LDB1: variants seen among roughly 807,000 people sequenced by gnomAD.
LDB1 encodes LIM domain binding 1.
LDB1 carries 6 observed loss-of-function variants against 49.7 expected under a neutral mutation model. The ratio of observed to expected loss-of-function variants is 0.12; its 90% CI spans 0.07 to 0.24. LDB1 has a LOEUF of 0.24. Ranked by LOEUF, LDB1 falls within the 10% of genes least tolerant of loss-of-function variation. The pLI is 1.00. For missense variants in LDB1, 341 were observed against 561.7 expected, an observed-to-expected ratio of 0.61 and a Z score of 3.97; for synonymous variants, 233 against 202.0, an observed-to-expected ratio of 1.15 and a Z score of -1.30.
chr10:102,106,483 A>G (rs1315625891), downstream of LDB1, among the ~76,000 whole-genome samples: 1 of 143,710 alleles, frequency 7.0e-6, no homozygotes, highest in Non-Finnish European at 1.5e-5. Context: ...ACCAACCAGG[A>G]CACTCTCAAA....
rs1294257520 is a variant in LDB1 at position 102,109,654 on chromosome 10, G to A, written c.678C>T (p.Leu226=). 1 of 1,614,088 alleles carries A rather than the reference G, an allele frequency of 6.2e-7. No individual in the cohort carries two copies. The highest frequency in any genetic ancestry group is 8.5e-7 in the Non-Finnish European group (1 of 1,179,994). The stretch of plus-strand genomic sequence containing the variant: ...GCCCACACCGAGTGATGTTTTTGGA[G>A]AGCTGATCCAACATCTGGGGGTCTT... ...HAQDPQMLDQ[L]SKNITRCGLS... is the part of the protein sequence containing the mutation. Residue 226 remains leucine (L), a synonymous_variant, in exon 8 of 11, where the codon CTC becomes CTT. Transcript: ENST00000673968. The surrounding 1 kb of genome is among the most constrained non-coding windows in gnomAD (Gnocchi z 5.8).
At position 102,120,172 on chromosome 10, in the gene LDB1, G is replaced by C. The variant is rs937778852; in HGVS notation, c.-62C>G. ...ACGGTGCCCGCCCCTCGCGGGGACA[G>C]GCCGGGCATGAGCCGCCGCCGCCGC... On this transcript the variant is annotated 5_prime_UTR_variant, in exon 1 of 11. Coordinates refer to ENST00000673968, the MANE Select transcript of LDB1 (RefSeq NM_001113407.3). 1.7e-6 allele frequency: 2 copies of C among 1,192,870 alleles called. No individual in the cohort carries two copies. Among genetic ancestry groups the C allele is most frequent in the African/African-American group, 3.2e-5 (2 of 62,656 alleles). 73.9% of individuals were successfully genotyped at this position (1,192,870 alleles called of 1,614,324 possible). A position where few individuals can be genotyped will look rare whatever the true frequency, so the allele number is the denominator to read the frequency against.
At chr10:102,120,971 T>A (rs921611589), upstream of LDB1, among the ~76,000 whole-genome samples, 1 of 152,134 alleles carries the variant, frequency 6.6e-6, no homozygotes, top group African/African-American at 2.4e-5. Context: ...CTAGGCTGGA[T>A]GGGTAAAGAA....
At chr10:102,104,010 C>T (rs183942139), downstream of LDB1, among the ~76,000 whole-genome samples, 13 of 151,266 alleles carry the variant, frequency 8.6e-5, no homozygotes, top group East Asian at 2.1e-3. Flanking sequence ...TGCAGTGAGA[C>T]GACATCATGC....
chr10:102,114,598 G>A, intron 1 of LDB1: 1 of 985,328 alleles, frequency 1.0e-6, no homozygotes, highest in African/African-American at 1.7e-5. Context: ...CCCGCCCCGC[G>A]GCGGCCGCTG....
At chr10:102,106,225 C>T (rs968716403), downstream of LDB1, among the ~76,000 whole-genome samples, 2 of 152,058 alleles carry the variant, frequency 1.3e-5, no homozygotes, top group Admixed American at 6.6e-5. Flanking sequence ...AGCAACAGTC[C>T]TGGGGTGAGA....
At chr10:102,114,837 G>T in intron 1 of LDB1, 2 of 98,672 alleles carry the variant, frequency 2.0e-5, no homozygotes, top group Non-Finnish European at 1.4e-5. Context: ...CCAGGCCACC[G>T]GGCCCCTCTG....
chr10:102,108,867 G>A, intron 10 of LDB1, 162 bp downstream of exon 10: 1 of 921,050 alleles, frequency 1.1e-6, no homozygotes, highest in Non-Finnish European at 1.7e-6. Context: ...GCAAGTGCCT[G>A]ACAAGAACTC....
chr10:102,111,069 C>T lies in LDB1; in HGVS notation c.249G>A (p.Glu83=), dbSNP rs1212299380. ...ELNKRLQNWT[E]ECDNLWWDAF... ...CCAGCCCCTTTTCCCTTGGCCATAC[C>T]TCTGTCCAGTTCTGAAGCCGTTTGT... is the stretch of plus-strand genomic sequence containing the variant. The change falls in exon 4 of 11, where the codon GAG becomes GAA. Residue 83 remains glutamate, a splice_region_variant and synonymous_variant. Coordinates refer to ENST00000673968, the MANE Select transcript of LDB1 (RefSeq NM_001113407.3). The T allele has an allele frequency of 1.2e-6, 2 of 1,614,148 alleles. No individual in the cohort carries two copies. Among genetic ancestry groups the T allele is most frequent in the South Asian group, 2.2e-5 (2 of 91,084 alleles).
Position 102,110,577 on chromosome 10 carries a change from A to G in LDB1, c.477T>C (p.Cys159=), listed in dbSNP as rs1003968865. The G allele has an allele frequency of 1.2e-6, 2 of 1,613,922 alleles. No homozygotes were observed. Among genetic ancestry groups the G allele is most frequent in the African/African-American group, 2.7e-5 (2 of 74,910 alleles). ...AFHSNFVSLD[C]DQGSMVTQHG... ...GCTGGGTCACCATGCTGCCCTGGTC[A>G]CAGTCGAGGGACACAAAGTTGCTGT... The change falls in exon 6 of 11, where the codon TGT becomes TGC. Residue 159 remains cysteine, a synonymous_variant. Transcript: ENST00000673968.
chr10:102,102,638 T>TCC (rs1169176592), downstream of LDB1, among the ~76,000 whole-genome samples: 1 of 152,332 alleles, frequency 6.6e-6, no homozygotes, highest in East Asian at 1.9e-4. Context: ...CTTCCCACAC[T>TCC]CCCCAGCTTA....
downstream of LDB1, among the ~76,000 whole-genome samples, chr10:102,104,061 TAAA>T (rs879920056): frequency 1.4e-5 from 2 of 138,956 alleles, no homozygotes. Context: ...GACTCTATCT[TAAA>T]AAAAAAAAAA....
chr10:102,112,898 G>T (rs1284872291), intron 1 of LDB1, among the ~76,000 whole-genome samples: 3 of 152,138 alleles, frequency 2.0e-5, no homozygotes, highest in Admixed American at 6.6e-5. Flanking sequence ...ACTGGAAAAA[G>T]TGTTAAATTC....
intron 10 of LDB1, among the ~76,000 whole-genome samples, chr10:102,108,659 G>C (rs2068204710): frequency 1.3e-5 from 2 of 152,214 alleles, no homozygotes; most frequent in Non-Finnish European, 2.9e-5. Context: ...ACATGAGGGA[G>C]GGCAGTGTGT....
Position 102,108,137 on chromosome 10 carries a change from G to C in LDB1, c.1192C>G (p.Gln398Glu), listed in dbSNP as rs755033362. The C allele has an allele frequency of 3.1e-6, 5 of 1,614,150 alleles. No individual in the cohort carries two copies. Among genetic ancestry groups the C allele is most frequent in the Non-Finnish European group, 4.2e-6 (5 of 1,180,006 alleles). ...SPWNSKPPSS[Q>E]ESKSENPTSQ... ...GTGGGGTTCTCCGATTTGCTTTCTT[G>C]GCTGGACGGAGGCTTGCTGTTCCAG... The change falls in exon 11 of 11, where the codon CAA becomes GAA. Residue 398 changes from glutamine to glutamate, a missense_variant. By Grantham distance (29) the Gln-to-Glu change is conservative. This residue lies in a region of LDB1 where 46 missense variants were observed against 62.9 expected (regional missense o/e 0.73). Transcript: ENST00000673968.
At chr10:102,106,210 T>C (rs1213552283), downstream of LDB1, among the ~76,000 whole-genome samples, 7 of 151,346 alleles carry the variant, frequency 4.6e-5, no homozygotes, top group African/African-American at 1.7e-4. Context: ...CAGCTAAGGG[T>C]GAGAAGCAAC....
Position 102,114,453 on chromosome 10 carries a change from G to A in LDB1, c.26-2917C>T, listed in dbSNP as rs1336538880. 4 of 986,284 alleles carry A rather than the reference G, an allele frequency of 4.1e-6. No homozygotes were observed. The African/African-American group carries it at 5.2e-5, about 13-fold the overall frequency. 61.1% of individuals were successfully genotyped at this position (986,284 alleles called of 1,614,324 possible). A position where few individuals can be genotyped will look rare whatever the true frequency, so the allele number is the denominator to read the frequency against. On this transcript the variant is annotated intron_variant, in intron 1 of 10. Coordinates refer to ENST00000673968, the MANE Select transcript of LDB1 (RefSeq NM_001113407.3). ...GAGAGGTACGGGGGAGCGACTGCAAGCCCAGAGGAGTCCTGGCAGGGGTGA... is the reference window on the plus strand; with the variant it reads ...GAGAGGTACGGGGGAGCGACTGCAAACCCAGAGGAGTCCTGGCAGGGGTGA...
upstream of LDB1, chr10:102,120,444 T>C: frequency 5.2e-6 from 5 of 963,036 alleles, no homozygotes; most frequent in Non-Finnish European, 6.2e-6. Context: ...CGCCCCCCTC[T>C]CCGCCCTCGC....
At chr10:102,102,611 C>T (rs1331406403), downstream of LDB1, among the ~76,000 whole-genome samples, 1 of 152,228 alleles carries the variant, frequency 6.6e-6, no homozygotes, top group African/African-American at 2.4e-5. Context: ...TGTGAGTCAG[C>T]TTCCATTCCC....
Sources: allele counts gnomAD v4.1 joint callset (sites outside exome capture counted in the v4.1 genomes callset), GRCh38; gene constraint gnomAD v4.1.1; regional missense constraint gnomAD v4.1.1; non-coding constraint Gnocchi (gnomAD v3.1); transcripts MANE v1.5; gene names NCBI Gene and HGNC (gene_info 2026-07-23, HGNC 2026-07-21).